Variants in INTU observed in about 807,000 individuals in gnomAD.
The protein encoded by INTU is inturned planar cell polarity protein, also known as protein inturned.
In INTU, 68 loss-of-function variants were observed where a neutral mutation model predicts 100.5. The observed-to-expected ratio is 0.68, with a 90% CI of 0.56 to 0.83. INTU has a LOEUF of 0.83. INTU is among the 40% of genes least tolerant of loss of function. The pLI is 0.00. For synonymous variants in INTU, 357 were observed against 395.7 expected (o/e 0.90, Z 1.16); for missense variants, 1,071 against 1,114.7 (o/e 0.96, Z 0.56).
At chr4:127,667,146 G>A (rs1242325033) in intron 4 of INTU, among the ~76,000 whole-genome samples, 5 of 152,238 alleles carry the variant, frequency 3.3e-5, no homozygotes, top group East Asian at 1.9e-4. Context: ...TTTCTAAGTC[G>A]TTTTGGAGTA....
intron 2 of INTU, among the ~76,000 whole-genome samples, chr4:127,655,243 C>CAGAATGGATGG (rs2126191259): frequency 6.6e-6 from 1 of 152,286 alleles, no homozygotes; most frequent in Admixed American, 6.5e-5. Context: ...ATTCTCCATC[C>CAGAATGGATGG]AGCTTTGTTC....
At chr4:127,685,931 A>G (rs1248417946) in intron 7 of INTU, 2 of 152,348 alleles carry the variant, frequency 1.3e-5, no homozygotes, top group African/African-American at 2.4e-5. Flanking sequence ...ACTCTTTTCT[A>G]CTTCAAGTGA....
In INTU at chr4:127,718,085, G is replaced by T. The variant is rs766795878; in HGVS notation, c.*1649G>T. 1.3e-5 allele frequency: 2 copies of T among 152,118 alleles called. No homozygotes were observed. Among genetic ancestry groups the T allele is most frequent in the Non-Finnish European group, 2.9e-5 (2 of 68,006 alleles). The allele number at this position is 152,118 out of a possible 1,614,324, so 9.4% of individuals were successfully genotyped here. A position where few individuals can be genotyped will look rare whatever the true frequency, so the allele number is the denominator to read the frequency against. On this transcript the variant is annotated 3_prime_UTR_variant, in exon 16 of 16. Transcript: ENST00000335251. ...CCATGCTCATGTCTTAAATGGTATT[G>T]CCTAGATTTTCTTCTAGGGATTTTA... is the stretch of plus-strand genomic sequence containing the variant.
intron 1 of INTU, among the ~76,000 whole-genome samples, chr4:127,637,292 T>A (rs1036962694): frequency 4.6e-5 from 7 of 152,244 alleles, no homozygotes; most frequent in African/African-American, 1.7e-4. Context: ...CAGTTCTAAA[T>A]CATTTTTCTA....
intron 2 of INTU, among the ~76,000 whole-genome samples, chr4:127,650,372 C>G (rs1185567949): frequency 2.5e-5 from 3 of 118,476 alleles, no homozygotes; most frequent in South Asian, 7.0e-4. Context: ...ATCCCTCCCC[C>G]CTCCCCCCAC....
rs773942326 is a variant in INTU, at chr4:127,663,592, TC to T, written c.972+10del. ...GAAACCTCAAAGGAAGAGGTGAGTG[TC>T]CTCAAAAGTCCAAAGGAAATAAGTT... is the stretch of plus-strand genomic sequence containing the variant. On this transcript the variant is annotated intron_variant, in intron 4 of 15. Coordinates refer to ENST00000335251, the MANE Select transcript of INTU (RefSeq NM_015693.4). 18 of 1,608,912 alleles carry T rather than the reference TC, an allele frequency of 1.1e-5. No homozygotes were observed. Among genetic ancestry groups the T allele is most frequent in the Non-Finnish European group, 1.5e-5 (18 of 1,176,654 alleles).
At chr4:127,650,432 TCTCATTCTTCAATTCCCATCTATGA>T (rs1727798591) in intron 2 of INTU, among the ~76,000 whole-genome samples, 8 of 144,116 alleles carry the variant, frequency 5.6e-5, no homozygotes, top group Admixed American at 1.5e-4. Context: ...GTCCATGTGA[TCTCATTCTTCAATTCCCATCTATGA>T]GTGAGAATAT....
intron 3 of INTU, among the ~76,000 whole-genome samples, chr4:127,659,501 T>C (rs1578557564): frequency 6.6e-6 from 1 of 152,334 alleles, no homozygotes; most frequent in Admixed American, 6.5e-5. Flanking sequence ...AAAATGTTGA[T>C]TTAAAGAAGA....
chr4:127,655,482 G>T (rs1228421148), intron 2 of INTU, among the ~76,000 whole-genome samples: 2 of 150,958 alleles, frequency 1.3e-5, no homozygotes, highest in East Asian at 1.9e-4. Flanking sequence ...ATACCCTGCC[G>T]TGTGAGGTGT....
At chr4:127,715,462 C>G (rs1221541146) in intron 15 of INTU, among the ~76,000 whole-genome samples, 1 of 152,134 alleles carries the variant, frequency 6.6e-6, no homozygotes, top group Non-Finnish European at 1.5e-5. Context: ...ATCTGAGATG[C>G]CTGGGCCCCA....
At chr4:127,680,092 T>C (rs976539321) in intron 6 of INTU, among the ~76,000 whole-genome samples, 6 of 152,134 alleles carry the variant, frequency 3.9e-5, no homozygotes, top group African/African-American at 1.4e-4. Flanking sequence ...TAACAGAATC[T>C]GAAATGGTGG....
intron 3 of INTU, among the ~76,000 whole-genome samples, chr4:127,662,030 T>C (rs960262086): frequency 2.6e-5 from 4 of 152,206 alleles, no homozygotes; most frequent in Admixed American, 2.0e-4. Context: ...TGCATTTCCC[T>C]GATGATTAGT....
chr4:127,682,703 A>G (rs1039831966), intron 6 of INTU, among the ~76,000 whole-genome samples: 21 of 151,914 alleles, frequency 1.4e-4, no homozygotes, highest in Non-Finnish European at 2.5e-4. Context: ...TATGTAACTA[A>G]CCTGCACATT....
intron 7 of INTU, 112 bp downstream of exon 7, chr4:127,684,598 T>G: frequency 1.7e-6 from 1 of 578,450 alleles, no homozygotes. Context: ...TCTTTTCTCC[T>G]CCCTCCCCTC....
chr4:127,649,457 A>C (rs1466701522), intron 2 of INTU, among the ~76,000 whole-genome samples: 2 of 152,166 alleles, frequency 1.3e-5, no homozygotes, highest in Non-Finnish European at 2.9e-5. Flanking sequence ...GATTCTACAT[A>C]TACAGGTTGA....
At chr4:127,705,537 G>A in intron 10 of INTU, 54 bp from the exon 11 acceptor site, 4 of 1,280,910 alleles carry the variant, frequency 3.1e-6, no homozygotes, top group South Asian at 1.2e-5. Context: ...AAATATTATG[G>A]GACTATTGCT....
At chr4:127,653,847 G>A (rs1363568020) in intron 2 of INTU, among the ~76,000 whole-genome samples, 1 of 151,810 alleles carries the variant, frequency 6.6e-6, no homozygotes, top group East Asian at 1.9e-4. Context: ...TTATTAATGT[G>A]TGGGAGTCTA....
At chr4:127,688,244 T>C (rs1186511561) in intron 8 of INTU, among the ~76,000 whole-genome samples, 4 of 151,938 alleles carry the variant, frequency 2.6e-5, no homozygotes, top group African/African-American at 9.7e-5. Flanking sequence ...TGACTAACAG[T>C]ATTCTCAGTT....
At chr4:127,680,616 C>G (rs900886821) in intron 6 of INTU, among the ~76,000 whole-genome samples, 1 of 99,092 alleles carries the variant, frequency 1.0e-5, no homozygotes, top group Non-Finnish European at 2.1e-5. Flanking sequence ...AAAATAAGAG[C>G]TATCTATGAC....
Sources: allele counts gnomAD v4.1 joint callset (sites outside exome capture counted in the v4.1 genomes callset), GRCh38; gene constraint gnomAD v4.1.1; transcripts MANE v1.5; gene names NCBI Gene and HGNC (gene_info 2026-07-23, HGNC 2026-07-21).